RAD51: variants seen among roughly 807,000 people sequenced by gnomAD.
RAD51 encodes RAD51 recombinase.
RAD51 carries 14 observed loss-of-function variants against 41.5 expected under a neutral mutation model. The observed-to-expected ratio is 0.34, with a 90% CI of 0.22 to 0.53. The LOEUF is 0.53. RAD51 is among the 20% of genes least tolerant of loss of function. RAD51 has a pLI of 0.95. For synonymous variants in RAD51, 136 were observed against 148.6 expected (o/e 0.92, Z 0.62); for missense variants, 234 against 422.0 (o/e 0.55, Z 3.90).
At chr15:40,712,007 G>A (rs921032725) in intron 5 of RAD51, among the ~76,000 whole-genome samples, 2 of 151,770 alleles carry the variant, frequency 1.3e-5, no homozygotes, top group African/African-American at 2.4e-5. Context: ...AGGAGGCCAA[G>A]GTTGCCATGA....
chr15:40,707,068 G>C (rs1895391145), intron 4 of RAD51, among the ~76,000 whole-genome samples: 1 of 150,994 alleles, frequency 6.6e-6, no homozygotes, highest in East Asian at 1.9e-4. Context: ...TCAGCTCACT[G>C]CAACCTCTGC....
intron 3 of RAD51, 150 bp downstream of exon 3, chr15:40,701,351 CTTTTCTTTTCTTTTTTTTTTCTTTCTTT>C: frequency 1.4e-6 from 1 of 719,280 alleles, no homozygotes; most frequent in South Asian, 2.2e-5. Context: ...TTCTTCTTTT[CTTTTCTTTTCTTTTTTTTTTCTTTCTTT>C]TTTTTTTTTT....
intron 6 of RAD51, among the ~76,000 whole-genome samples, chr15:40,719,866 G>A (rs1896184725): frequency 6.6e-6 from 1 of 151,828 alleles, no homozygotes; most frequent in Admixed American, 6.6e-5. Flanking sequence ...ATACAAAGAG[G>A]AACATTTTAT....
chr15:40,714,955 C>T (rs1323236432), intron 5 of RAD51, among the ~76,000 whole-genome samples: 2 of 152,066 alleles, frequency 1.3e-5, no homozygotes, highest in Non-Finnish European at 2.9e-5. Context: ...CGGAGGATTG[C>T]TTGAACCCAG....
chr15:40,730,515 T>TTTTTCTTTTTTTTTTTTTCC (rs59588002), intron 9 of RAD51, among the ~76,000 whole-genome samples: 1 of 117,654 alleles, frequency 8.5e-6, no homozygotes, highest in Non-Finnish European at 1.6e-5. Flanking sequence ...GAAAAAATTT[T>TTTTTCTTTTTTTTTTTTTCC]TTTTCTTTTT....
chr15:40,713,261 T>TA (rs1412108599), intron 5 of RAD51, among the ~76,000 whole-genome samples: 1 of 150,456 alleles, frequency 6.6e-6, no homozygotes, highest in African/African-American at 2.4e-5. Context: ...TTTTTTTTTT[T>TA]TATTTGAGAC....
At chr15:40,725,392 A>G (rs1896530156) in intron 6 of RAD51, among the ~76,000 whole-genome samples, 1 of 152,116 alleles carries the variant, frequency 6.6e-6, no homozygotes. Context: ...TCTCTTTATC[A>G]AGAAAAAAAT....
At chr15:40,713,539 G>A (rs940220112) in intron 5 of RAD51, among the ~76,000 whole-genome samples, 2 of 139,900 alleles carry the variant, frequency 1.4e-5, no homozygotes, top group Non-Finnish European at 1.5e-5. Context: ...CACCATGCCC[G>A]GCTTTTTGTT....
At chr15:40,730,520 C>CTTTTTTTTTTTTTTTTTTTCTTTTT (rs778467789) in intron 9 of RAD51, among the ~76,000 whole-genome samples, 1 of 113,110 alleles carries the variant, frequency 8.8e-6, no homozygotes, top group Non-Finnish European at 1.7e-5. Flanking sequence ...AATTTTTTTT[C>CTTTTTTTTTTTTTTTTTTTCTTTTT]TTTTTTTTTT....
rs1204984814 is a variant in RAD51, at chr15:40,710,190, C to T, written c.435+1074C>T. ...CCGGGAGGCACAGCTTGCAGTGAGC[C>T]GAGATTGCGCCACTGCACTCCAGCC... is the stretch of plus-strand genomic sequence containing the variant. On this transcript the variant is annotated intron_variant, in intron 5 of 9. Coordinates refer to ENST00000267868, the MANE Select transcript of RAD51 (RefSeq NM_002875.5). Among the ~76,000 whole-genome samples the T allele has an allele frequency of 7.2e-5, 9 of 125,004 alleles. No individual in the cohort carries two copies. In the East Asian group the frequency reaches 7.5e-4, roughly 10 times the overall value. 82.0% of individuals were successfully genotyped at this position (125,004 alleles called of 152,430 possible). A position where few individuals can be genotyped will look rare whatever the true frequency, so the allele number is the denominator to read the frequency against.
chr15:40,718,577 T>A (rs1054090224), intron 5 of RAD51, among the ~76,000 whole-genome samples: 4 of 152,016 alleles, frequency 2.6e-5, no homozygotes. Flanking sequence ...TTCTAAGCAG[T>A]CCAGTTCTGA....
chr15:40,702,460 T>C (rs1354262542), intron 3 of RAD51, among the ~76,000 whole-genome samples: 1 of 152,242 alleles, frequency 6.6e-6, no homozygotes, highest in Non-Finnish European at 1.5e-5. Context: ...TCTTTACTTT[T>C]CAATATTTTA....
intron 3 of RAD51, 23 bp downstream of exon 3, chr15:40,701,224 A>C (rs760845124): frequency 1.4e-5 from 23 of 1,612,996 alleles, no homozygotes; most frequent in Non-Finnish European, 1.9e-5. Context: ...TACTTAACCT[A>C]GGGAGGCATT....
intron 6 of RAD51, among the ~76,000 whole-genome samples, chr15:40,720,438 G>T (rs1487395120): frequency 6.6e-6 from 1 of 152,002 alleles, no homozygotes; most frequent in African/African-American, 2.4e-5. Context: ...AGGCAAGGAT[G>T]CCCACTTTCA....
chr15:40,709,996 A>G (rs900491967), intron 5 of RAD51, among the ~76,000 whole-genome samples: 4 of 151,976 alleles, frequency 2.6e-5, no homozygotes, highest in African/African-American at 9.7e-5. Flanking sequence ...TAATCCCAGC[A>G]CTTTGGGAGG....
intron 9 of RAD51, among the ~76,000 whole-genome samples, chr15:40,730,520 C>CTTT (rs778467789): frequency 6.2e-5 from 7 of 113,106 alleles, no homozygotes; most frequent in Non-Finnish European, 8.5e-5. Context: ...AATTTTTTTT[C>CTTT]TTTTTTTTTT....
intron 3 of RAD51, among the ~76,000 whole-genome samples, chr15:40,705,509 G>A (rs1041395366): frequency 3.9e-5 from 6 of 152,174 alleles, no homozygotes; most frequent in East Asian, 1.9e-4. Context: ...TACAGTCTGC[G>A]GTTGATGGAG....
intron 6 of RAD51, among the ~76,000 whole-genome samples, chr15:40,721,284 TA>T (rs1169268749): frequency 1.3e-5 from 2 of 152,110 alleles, no homozygotes; most frequent in African/African-American, 4.8e-5. Context: ...GTAATCATAA[TA>T]TTTATGGAAC....
rs371078736 is a variant in RAD51 at position 40,713,756 on chromosome 15, G to A, written c.435+4640G>A. ...CGAGTAGCTGGGACTACAGGCGCCCGCCACCACGCCTGGCTAATTTTTTGT... is the reference window on the plus strand; with the variant it reads ...CGAGTAGCTGGGACTACAGGCGCCCACCACCACGCCTGGCTAATTTTTTGT... On this transcript the variant is annotated intron_variant, in intron 5 of 9. Transcript: ENST00000267868. Among the ~76,000 whole-genome samples the A allele has an allele frequency of 3.3e-5, 5 of 151,696 alleles. No individual in the cohort carries two copies. The East Asian group carries it at 5.8e-4, about 18-fold the overall frequency.
Sources: gnomAD v4.1 joint callset for allele counts (sites outside exome capture counted in the v4.1 genomes callset) on GRCh38, gnomAD v4.1.1 for gene constraint, MANE v1.5 for transcripts, NCBI Gene and HGNC (gene_info 2026-07-23, HGNC 2026-07-21) for gene names.